ACYP2: variants seen among roughly 807,000 people sequenced by gnomAD.
The protein encoded by ACYP2 is acylphosphatase 2, also known as acylphosphatase-2.
ACYP2 carries 12 observed loss-of-function variants against 11.2 expected under a neutral mutation model. That is an observed-to-expected ratio of 1.08 (90% CI 0.69 to 1.74). The LOEUF (loss-of-function observed/expected upper bound fraction) is 1.74. ACYP2 is among the 40% of genes most tolerant of loss of function. ACYP2 has a pLI of 0.00. For synonymous variants in ACYP2, 43 were observed against 32.2 expected (o/e 1.33, Z -1.13); for missense variants, 134 against 101.9 (o/e 1.31, Z -1.35).
At chr2:54,236,976 G>A (rs1372955975) in intron 6 of ACYP2, among the ~76,000 whole-genome samples, 1 of 152,026 alleles carries the variant, frequency 6.6e-6, no homozygotes, top group Non-Finnish European at 1.5e-5. Flanking sequence ...AAAATATTTG[G>A]GAAAAAATTG....
At chr2:54,246,622 G>T (rs1279819113) in intron 6 of ACYP2, among the ~76,000 whole-genome samples, 1 of 151,692 alleles carries the variant, frequency 6.6e-6, no homozygotes, top group African/African-American at 2.4e-5. Flanking sequence ...AATGTCATAG[G>T]GTTTTCTATA....
intron 2 of ACYP2, among the ~76,000 whole-genome samples, chr2:54,021,873 T>G (rs939966853): frequency 1.3e-5 from 2 of 152,194 alleles, no homozygotes; most frequent in African/African-American, 4.8e-5. Flanking sequence ...GGGCAACTCT[T>G]AATAAATAGT....
In ACYP2 at chr2:54,015,681, AC is replaced by A. The variant is rs1558473118; in HGVS notation, c.63-35276del. ...CACACACACACACACACACACACAC[AC>A]ACACACGGCAGAATCTCAGCCTGTG... On this transcript the variant is annotated intron_variant, in intron 2 of 6. Coordinates refer to ENST00000607452, the MANE Select transcript of ACYP2 (RefSeq NM_001320586.2). Among the ~76,000 whole-genome samples the A allele has an allele frequency of 6.6e-3, 995 of 150,676 alleles. 9 individuals are homozygous for A. The highest frequency in any genetic ancestry group is 0.022 in the African/African-American group (904 of 40,566).
intron 6 of ACYP2, among the ~76,000 whole-genome samples, chr2:54,236,016 T>C (rs1227459636): frequency 1.3e-5 from 2 of 152,190 alleles, no homozygotes; most frequent in Non-Finnish European, 2.9e-5. Context: ...ATCTTCTCTA[T>C]TGTATTTTTG....
intron 2 of ACYP2, among the ~76,000 whole-genome samples, chr2:54,017,123 C>T (rs1673732310): frequency 2.0e-5 from 3 of 152,212 alleles, no homozygotes; most frequent in Non-Finnish European, 4.4e-5. Flanking sequence ...AGCAGAGGAG[C>T]AAAAGCAAAT....
chr2:54,245,495 A>G (rs1380586238), intron 6 of ACYP2, among the ~76,000 whole-genome samples: 1 of 151,848 alleles, frequency 6.6e-6, no homozygotes, highest in Non-Finnish European at 1.5e-5. Context: ...TCCCACCAAC[A>G]GTGTGTAAGT....
At chr2:54,274,650 A>AT (rs1688467770) in intron 6 of ACYP2, among the ~76,000 whole-genome samples, 1 of 150,190 alleles carries the variant, frequency 6.7e-6, no homozygotes, top group Non-Finnish European at 1.5e-5. Flanking sequence ...AAAAAAAAAA[A>AT]AAAGTTCTCT....
In ACYP2 at chr2:54,214,646, TGTA is replaced by T. The variant is rs1685484265; in HGVS notation, c.404+75901_404+75903del. On this transcript the variant is annotated intron_variant, in intron 6 of 6. Coordinates refer to ENST00000607452, the MANE Select transcript of ACYP2 (RefSeq NM_001320586.2). ...AGCACACTTTTGGTTACTGTAGCCT[TGTA>T]GTGTAGCTTGAAGTCAGGCAGTGTG... Among the ~76,000 whole-genome samples, 3 of 152,352 alleles carry T rather than the reference TGTA, an allele frequency of 2.0e-5. No homozygotes were observed. The South Asian group carries it at 6.2e-4, about 32-fold the overall frequency.
chr2:54,289,480 A>C (rs1035148699), intron 6 of ACYP2, among the ~76,000 whole-genome samples: 9 of 152,028 alleles, frequency 5.9e-5, no homozygotes, highest in African/African-American at 1.9e-4. Context: ...TATAACCTGC[A>C]GAGATTATTA....
intron 6 of ACYP2, among the ~76,000 whole-genome samples, chr2:54,161,645 A>C (rs1322026790): frequency 1.3e-5 from 2 of 152,222 alleles, no homozygotes; most frequent in East Asian, 3.8e-4. Flanking sequence ...CACGGTGACA[A>C]ATACAACTGC....
intron 4 of ACYP2, among the ~76,000 whole-genome samples, chr2:54,060,398 T>A (rs894284142): frequency 6.6e-6 from 1 of 152,126 alleles, no homozygotes; most frequent in Non-Finnish European, 1.5e-5. Flanking sequence ...TATTCCTTTT[T>A]AAAAAATAAT....
chr2:54,086,098 C>T (rs1257809670), intron 4 of ACYP2, among the ~76,000 whole-genome samples: 6 of 152,134 alleles, frequency 3.9e-5, no homozygotes, highest in Non-Finnish European at 8.8e-5. Flanking sequence ...TGTGCACCAT[C>T]AGGCCTGGCT....
chr2:54,149,390 A>G (rs1220371397), intron 6 of ACYP2, among the ~76,000 whole-genome samples: 2 of 152,262 alleles, frequency 1.3e-5, no homozygotes, highest in East Asian at 1.9e-4. Flanking sequence ...TTTCTCAAAA[A>G]GAATGACTGA....
At chr2:54,039,033 A>C (rs1387648097) in intron 2 of ACYP2, among the ~76,000 whole-genome samples, 8 of 151,932 alleles carry the variant, frequency 5.3e-5, no homozygotes, top group Admixed American at 5.2e-4. Context: ...CAGCTAGTAC[A>C]AAGGTCCTGA....
At chr2:54,246,196 A>G (rs1020458179) in intron 6 of ACYP2, among the ~76,000 whole-genome samples, 1 of 152,090 alleles carries the variant, frequency 6.6e-6, no homozygotes, top group South Asian at 2.1e-4. Flanking sequence ...TGGGTTCTCT[A>G]TTCTGTTCTA....
intron 6 of ACYP2, among the ~76,000 whole-genome samples, chr2:54,263,387 G>A (rs1687864212): frequency 6.6e-6 from 1 of 152,132 alleles, no homozygotes; most frequent in South Asian, 2.1e-4. Context: ...GCTCCACCTC[G>A]AACACTGGGG....
chr2:54,258,419 CAAG>C (rs1263049899), intron 6 of ACYP2, among the ~76,000 whole-genome samples: 3 of 152,132 alleles, frequency 2.0e-5, no homozygotes, highest in African/African-American at 7.2e-5. Flanking sequence ...CAAGAAATAA[CAAG>C]GAGGCCAGCG....
intron 2 of ACYP2, among the ~76,000 whole-genome samples, chr2:54,039,306 G>T (rs568410263): frequency 2.8e-5 from 4 of 141,092 alleles, no homozygotes; most frequent in East Asian, 4.1e-4. Flanking sequence ...TTTTTTTGGC[G>T]GGGGGGGACA....
At chr2:53,971,812 G>A (rs1671141288) in intron 1 of ACYP2, among the ~76,000 whole-genome samples, 5 of 146,172 alleles carry the variant, frequency 3.4e-5, no homozygotes, top group Admixed American at 3.3e-4. Context: ...AAGGAGGGAG[G>A]AGGACACGTA....
Sources: gnomAD v4.1 joint callset for allele counts (sites outside exome capture counted in the v4.1 genomes callset) on GRCh38, gnomAD v4.1.1 for gene constraint, MANE v1.5 for transcripts, NCBI Gene and HGNC (gene_info 2026-07-23, HGNC 2026-07-21) for gene names.